SPAG16: variants seen among roughly 807,000 people sequenced by gnomAD.
SPAG16 encodes sperm associated antigen 16.
SPAG16 carries 86 observed loss-of-function variants against 80.4 expected under a neutral mutation model. The ratio of observed to expected loss-of-function variants is 1.07; its 90% CI spans 0.90 to 1.28. The LOEUF (loss-of-function observed/expected upper bound fraction) is 1.28, where lower values mean the gene tolerates loss of function less well. SPAG16 is among the 50% of genes most tolerant of loss of function. The probability of loss-of-function intolerance (pLI) is 0.00; values close to 1 mark genes in which losing one functional copy is unlikely to be tolerated. For synonymous variants in SPAG16, 294 were observed against 265.9 expected (o/e 1.11, Z -1.03); for missense variants, 870 against 765.3 (o/e 1.14, Z -1.61).
chr2:213,330,679 G>T (rs770334407), intron 5 of SPAG16, among the ~76,000 whole-genome samples: 1 of 152,158 alleles, frequency 6.6e-6, no homozygotes, highest in Non-Finnish European at 1.5e-5. Context: ...TTGGGGGACT[G>T]TTGGGAAGGC....
intron 15 of SPAG16, among the ~76,000 whole-genome samples, chr2:214,247,063 C>T (rs1255969579): frequency 6.6e-6 from 1 of 151,888 alleles, no homozygotes; most frequent in Non-Finnish European, 1.5e-5. Flanking sequence ...TAGGAGTAAA[C>T]CACTTGTAAA....
chr2:213,606,155 T>C (rs891203560), intron 10 of SPAG16, among the ~76,000 whole-genome samples: 1 of 152,232 alleles, frequency 6.6e-6, no homozygotes, highest in African/African-American at 2.4e-5. Flanking sequence ...TTATTCCTTT[T>C]TGGTGTTGAG....
intron 11 of SPAG16, among the ~76,000 whole-genome samples, chr2:213,866,834 A>AT (rs1326172489): frequency 3.3e-5 from 5 of 152,088 alleles, no homozygotes; most frequent in Non-Finnish European, 7.4e-5. Flanking sequence ...TACATATTTT[A>AT]TTTTTTTCCC....
chr2:214,374,471 C>G (rs1403172282), intron 15 of SPAG16, among the ~76,000 whole-genome samples: 1 of 152,206 alleles, frequency 6.6e-6, no homozygotes, highest in Admixed American at 6.5e-5. Flanking sequence ...TATGCCTGTT[C>G]ACATTCATCC....
intron 15 of SPAG16, among the ~76,000 whole-genome samples, chr2:214,154,950 TGA>T (rs2056147910): frequency 6.6e-6 from 1 of 152,062 alleles, no homozygotes. Flanking sequence ...CTGTAATACC[TGA>T]GAGAGAGAAA....
At chr2:214,041,481 A>T (rs2049005954) in intron 13 of SPAG16, among the ~76,000 whole-genome samples, 1 of 151,644 alleles carries the variant, frequency 6.6e-6, no homozygotes, top group Admixed American at 6.6e-5. Context: ...TGGCTAAAAA[A>T]TGTCCTATGT....
chr2:213,755,452 T>C (rs2068280209), intron 10 of SPAG16, among the ~76,000 whole-genome samples: 2 of 152,224 alleles, frequency 1.3e-5, no homozygotes, highest in Non-Finnish European at 1.5e-5. Flanking sequence ...CTTTGAAATA[T>C]ATAGATAAGT....
intron 9 of SPAG16, among the ~76,000 whole-genome samples, chr2:213,443,402 G>A (rs890292739): frequency 2.0e-5 from 3 of 152,096 alleles, no homozygotes; most frequent in African/African-American, 7.2e-5. Context: ...TCATACTTAT[G>A]TATGATGTTG....
At chr2:213,727,910 G>A (rs575370779) in intron 10 of SPAG16, among the ~76,000 whole-genome samples, 12 of 151,996 alleles carry the variant, frequency 7.9e-5, no homozygotes, top group Non-Finnish European at 1.6e-4. Context: ...GTGCAATGGC[G>A]TGATCTCAGC....
At chr2:213,649,763 T>C (rs2062957315) in intron 10 of SPAG16, among the ~76,000 whole-genome samples, 1 of 152,048 alleles carries the variant, frequency 6.6e-6, no homozygotes, top group South Asian at 2.1e-4. Flanking sequence ...ATATTTTTTG[T>C]AAAGAAAGGT....
At chr2:213,658,885 A>C (rs2063319943) in intron 10 of SPAG16, among the ~76,000 whole-genome samples, 1 of 152,152 alleles carries the variant, frequency 6.6e-6, no homozygotes, top group African/African-American at 2.4e-5. Context: ...AAAATGCAAA[A>C]ATTAGCTGGG....
In SPAG16 at chr2:214,332,784, T is replaced by C. The variant is rs530681167; in HGVS notation, c.1721-77356T>C. Among the ~76,000 whole-genome samples the C allele has an allele frequency of 1.3e-3, 193 of 152,260 alleles. 1 individual carries two copies. The highest frequency in any genetic ancestry group is 4.2e-3 in the African/African-American group (173 of 41,550). ...CCAAAAATCACCCCCTCCTCACATT[T>C]GATTTTTCCCATTATATAGTTCAGA... On this transcript the variant is annotated intron_variant, in intron 15 of 15. Coordinates refer to ENST00000331683, the MANE Select transcript of SPAG16 (RefSeq NM_024532.5).
At chr2:214,318,640 T>G (rs1365223092) in intron 15 of SPAG16, among the ~76,000 whole-genome samples, 1 of 152,078 alleles carries the variant, frequency 6.6e-6, no homozygotes, top group East Asian at 1.9e-4. Context: ...CCTCCCAAAG[T>G]GCTGGGATGA....
intron 15 of SPAG16, among the ~76,000 whole-genome samples, chr2:214,261,405 T>C (rs1691167684): frequency 6.6e-6 from 1 of 152,154 alleles, no homozygotes; most frequent in African/African-American, 2.4e-5. Flanking sequence ...AAGAAAGCTC[T>C]GCCTTTATAA....
intron 10 of SPAG16, among the ~76,000 whole-genome samples, chr2:213,626,152 A>G (rs181946372): frequency 1.3e-5 from 2 of 152,306 alleles, no homozygotes; most frequent in Admixed American, 6.5e-5. Flanking sequence ...GTTCCATACA[A>G]AAAAGTGTGT....
chr2:213,483,221 T>C (rs2073834073), intron 9 of SPAG16, among the ~76,000 whole-genome samples: 2 of 152,190 alleles, frequency 1.3e-5, no homozygotes, highest in African/African-American at 2.4e-5. Flanking sequence ...TAGGTGTTTC[T>C]AGTCCTTCAC....
At chr2:213,768,521 C>T (rs181521930) in intron 10 of SPAG16, among the ~76,000 whole-genome samples, 170 of 152,118 alleles carry the variant, frequency 1.1e-3, no homozygotes, top group African/African-American at 3.9e-3. Flanking sequence ...TTAATATTTA[C>T]GAGGACAGGT....
chr2:214,307,279 A>G (rs1353589040), intron 15 of SPAG16, among the ~76,000 whole-genome samples: 1 of 150,550 alleles, frequency 6.6e-6, no homozygotes, highest in Admixed American at 6.6e-5. Context: ...CTCTCTTTTC[A>G]TCTTTATTAG....
intron 15 of SPAG16, among the ~76,000 whole-genome samples, chr2:214,298,450 C>T (rs1431920975): frequency 6.6e-6 from 1 of 152,052 alleles, no homozygotes; most frequent in East Asian, 1.9e-4. Flanking sequence ...GATTCAGCTC[C>T]TTGCTGTGCC....
Sources: gnomAD v4.1 joint callset for allele counts (sites outside exome capture counted in the v4.1 genomes callset) on GRCh38, gnomAD v4.1.1 for gene constraint, MANE v1.5 for transcripts, NCBI Gene and HGNC (gene_info 2026-07-23, HGNC 2026-07-21) for gene names.